CACNA2D3: variants seen among roughly 807,000 people sequenced by gnomAD.
CACNA2D3 encodes the protein calcium voltage-gated channel auxiliary subunit alpha2delta 3, also known as voltage-dependent calcium channel subunit alpha-2/delta-3.
Under a neutral mutation model 160.6 loss-of-function variants are expected in CACNA2D3, and 60 were observed. The ratio of observed to expected loss-of-function variants is 0.37; its 90% CI spans 0.30 to 0.46. The LOEUF (loss-of-function observed/expected upper bound fraction) is 0.46, where lower values mean the gene tolerates loss of function less well. CACNA2D3 is among the 20% of genes least tolerant of loss of function. The probability of loss-of-function intolerance (pLI) is 1.00; values close to 1 mark genes in which losing one functional copy is unlikely to be tolerated. For missense variants in CACNA2D3, 1,205 were observed against 1,365.0 expected (o/e 0.88, Z 1.85); for synonymous variants, 558 against 492.9 (o/e 1.13, Z -1.75).
At chr3:54,948,570 A>G (rs1050950843) in intron 27 of CACNA2D3, among the ~76,000 whole-genome samples, 2 of 152,192 alleles carry the variant, frequency 1.3e-5, no homozygotes, top group African/African-American at 4.8e-5. Flanking sequence ...CAACTGGATG[A>G]TGGTCATGGT....
intron 27 of CACNA2D3, among the ~76,000 whole-genome samples, chr3:54,937,568 A>G (rs2106973527): frequency 6.6e-6 from 1 of 152,306 alleles, no homozygotes; most frequent in Non-Finnish European, 1.5e-5. Flanking sequence ...TGTATATGAA[A>G]AAGTACAGCC....
chr3:54,790,882 A>G (rs1702741182), intron 13 of CACNA2D3, among the ~76,000 whole-genome samples: 1 of 152,178 alleles, frequency 6.6e-6, no homozygotes, highest in Non-Finnish European at 1.5e-5. Context: ...AGTCAAGGTG[A>G]AAAGGATTGT....
intron 2 of CACNA2D3, among the ~76,000 whole-genome samples, chr3:54,248,776 AT>A (rs1174693341): frequency 6.6e-6 from 1 of 152,184 alleles, no homozygotes. Context: ...GACCTAACTG[AT>A]TAATACAAAT....
chr3:55,013,015 G>T (rs1447591948), intron 34 of CACNA2D3, among the ~76,000 whole-genome samples: 1 of 152,126 alleles, frequency 6.6e-6, no homozygotes, highest in African/African-American at 2.4e-5. Context: ...TTGTAGAAAG[G>T]ACCCCAAATA....
intron 11 of CACNA2D3, among the ~76,000 whole-genome samples, chr3:54,707,130 T>C (rs969228590): frequency 4.6e-5 from 7 of 152,346 alleles, no homozygotes; most frequent in South Asian, 4.1e-4. Context: ...CTGAAAATTA[T>C]TGTCATTAGA....
intron 14 of CACNA2D3, among the ~76,000 whole-genome samples, chr3:54,821,724 T>TTTC (rs1703607351): frequency 1.6e-5 from 2 of 126,400 alleles, no homozygotes; most frequent in Non-Finnish European, 3.5e-5. Flanking sequence ...TTCCTCTCTC[T>TTTC]CTCTCTCTCT....
chr3:54,209,038 A>G (rs1410656195), intron 2 of CACNA2D3, among the ~76,000 whole-genome samples: 1 of 152,204 alleles, frequency 6.6e-6, no homozygotes, highest in Non-Finnish European at 1.5e-5. Flanking sequence ...TGAAAACAGT[A>G]TGGGGGAAAC....
chr3:54,582,327 A>G (rs1234819467), intron 9 of CACNA2D3, among the ~76,000 whole-genome samples: 3 of 152,180 alleles, frequency 2.0e-5, no homozygotes, highest in Non-Finnish European at 4.4e-5. Flanking sequence ...TCTGCTCACT[A>G]CTGTATCCTC....
chr3:54,759,894 C>T (rs916176695), intron 12 of CACNA2D3, among the ~76,000 whole-genome samples: 33 of 152,166 alleles, frequency 2.2e-4, no homozygotes, highest in African/African-American at 7.5e-4. Context: ...TCGAATTCAT[C>T]CAGGACAAAT....
At chr3:54,952,489 G>A (rs145454139) in intron 27 of CACNA2D3, among the ~76,000 whole-genome samples, 1 of 152,116 alleles carries the variant, frequency 6.6e-6, no homozygotes, top group African/African-American at 2.4e-5. Flanking sequence ...AAAACATGAG[G>A]CAAAAACTTG....
At chr3:54,891,180 C>CGTGTGTGTGTGTGTGTGTGTGT (rs3836392) in intron 24 of CACNA2D3, among the ~76,000 whole-genome samples, 175 bp from the exon 25 acceptor site, 1 of 141,902 alleles carries the variant, frequency 7.0e-6, no homozygotes, top group African/African-American at 2.6e-5. Flanking sequence ...AATCTGTGCT[C>CGTGTGTGTGTGTGTGTGTGTGT]GTGTGTGTGT....
chr3:54,411,940 G>A (rs1197254808), intron 4 of CACNA2D3, among the ~76,000 whole-genome samples: 3 of 151,068 alleles, frequency 2.0e-5, no homozygotes, highest in African/African-American at 4.9e-5. Context: ...CAATGTGTAG[G>A]TCGGAAAACT....
intron 2 of CACNA2D3, among the ~76,000 whole-genome samples, chr3:54,139,966 G>A (rs1372946437): frequency 6.6e-6 from 1 of 152,196 alleles, no homozygotes; most frequent in Non-Finnish European, 1.5e-5. Context: ...GAAGCTGGCC[G>A]TGGGTTCGAA....
At chr3:54,423,893 A>ATT (rs11336791) in intron 4 of CACNA2D3, among the ~76,000 whole-genome samples, 2 of 135,368 alleles carry the variant, frequency 1.5e-5, no homozygotes, top group Admixed American at 7.3e-5. Flanking sequence ...TGAAATTCTT[A>ATT]TTTTTTTTTT....
chr3:54,739,759 G>A lies in CACNA2D3; in HGVS notation c.1168-12840G>A, dbSNP rs1216797559. Among the ~76,000 whole-genome samples the A allele has an allele frequency of 6.7e-4, 6 of 8,924 alleles. No individual in the cohort carries two copies. In the Non-Finnish European group the frequency reaches 0.013, roughly 19 times the overall value. The allele number at this position is 8,924 out of a possible 152,430, so 5.9% of individuals were successfully genotyped here. A position where few individuals can be genotyped will look rare whatever the true frequency, so the allele number is the denominator to read the frequency against. On this transcript the variant is annotated intron_variant, in intron 11 of 37. Transcript: ENST00000474759. ...GGCCCTTCTCCTCATATATGTGTGT[G>A]TGTGTGTGTGTGTGTGTGTGTGTGT...
rs923437886 is a variant in CACNA2D3 at position 54,570,041 on chromosome 3, G to A, written c.825G>A (p.Ala275=). ...TGAAAGGACTCCGTCTGACTATCGCGAAGCAAACAGTCTCATCCATTTTGG... is the reference window on the plus strand; with the variant it reads ...TGAAAGGACTCCGTCTGACTATCGCAAAGCAAACAGTCTCATCCATTTTGG... ...GSMKGLRLTI[A]KQTVSSILDT... Residue 275 remains alanine, a synonymous_variant, in exon 8 of 38, where the codon GCG becomes GCA. Transcript: ENST00000474759. 1.4e-5 allele frequency: 23 copies of A among 1,613,864 alleles called. No homozygotes were observed. The highest frequency in any genetic ancestry group is 1.3e-4 in the African/African-American group (10 of 74,934).
In CACNA2D3 at chr3:54,554,870, C is replaced by CTTTTTTTTTTTTTTTTTTTTT. The variant is rs66526065; in HGVS notation, c.545-7929_545-7909dup. On this transcript the variant is annotated intron_variant, in intron 5 of 37. Coordinates refer to ENST00000474759, the MANE Select transcript of CACNA2D3 (RefSeq NM_018398.3). ...TTTCTTTTCTTTTCTCTCTCACTCT[C>CTTTTTTTTTTTTTTTTTTTTT]TTTTTTTTTTTTTTTTTTTTTGGAG... Among the ~76,000 whole-genome samples the CTTTTTTTTTTTTTTTTTTTTT allele has an allele frequency of 9.6e-4, 92 of 96,126 alleles. 2 individuals are homozygous for CTTTTTTTTTTTTTTTTTTTTT. Among genetic ancestry groups the CTTTTTTTTTTTTTTTTTTTTT allele is most frequent in the Middle Eastern group, 5.4e-3 (1 of 184 alleles). The allele number at this position is 96,126 out of a possible 152,430, so 63.1% of individuals were successfully genotyped here. A position where few individuals can be genotyped will look rare whatever the true frequency, so the allele number is the denominator to read the frequency against.
intron 12 of CACNA2D3, among the ~76,000 whole-genome samples, chr3:54,763,098 AAAAAGAAAG>A (rs926256617): frequency 2.9e-5 from 4 of 138,750 alleles, no homozygotes; most frequent in African/African-American, 5.3e-5. Flanking sequence ...AAAAAAAAAA[AAAAAGAAAG>A]AAAAAGAAAT....
chr3:54,222,175 T>A (rs1214433855), intron 2 of CACNA2D3, among the ~76,000 whole-genome samples: 1 of 152,218 alleles, frequency 6.6e-6, no homozygotes, highest in Non-Finnish European at 1.5e-5. Context: ...CTTATGCAAT[T>A]ACGGAGGCTG....
Sources: gnomAD v4.1 joint callset for allele counts (sites outside exome capture counted in the v4.1 genomes callset) on GRCh38, gnomAD v4.1.1 for gene constraint, MANE v1.5 for transcripts, NCBI Gene and HGNC (gene_info 2026-07-23, HGNC 2026-07-21) for gene names.